The following FBXO45 variants were observed in gnomAD, a reference collection of about 807,000 sequenced individuals.
The protein encoded by FBXO45 is F-box/SPRY domain-containing protein 1.
FBXO45 carries 3 observed loss-of-function variants against 25.5 expected under a neutral mutation model. The ratio of observed to expected loss-of-function variants is 0.12; its 90% CI spans 0.05 to 0.30. The LOEUF (loss-of-function observed/expected upper bound fraction) is 0.30. FBXO45 is among the 10% of genes least tolerant of loss of function. FBXO45 has a pLI of 1.00. For synonymous variants in FBXO45, 155 were observed against 149.8 expected, an observed-to-expected ratio of 1.03 and a Z score of -0.25; for missense variants, 219 against 365.0, an observed-to-expected ratio of 0.60 and a Z score of 3.26.
chr3:196,577,282 T>A (rs1735932016), intron 1 of FBXO45, among the ~76,000 whole-genome samples, 171 bp from the exon 2 acceptor site: 1 of 152,234 alleles, frequency 6.6e-6, no homozygotes, highest in Non-Finnish European at 1.5e-5. Flanking sequence ...TAATGTTATT[T>A]ATTCTGTTAG....
intron 2 of FBXO45, 49 bp downstream of exon 2, chr3:196,577,858 C>T: frequency 8.3e-7 from 1 of 1,203,442 alleles, no homozygotes; most frequent in Non-Finnish European, 1.1e-6. Context: ...CAAATCACGC[C>T]TTAATTTGTT....
At chr3:196,578,058 T>TTTTTTTTTTTTTTTTTTG (rs1560318212) in intron 2 of FBXO45, among the ~76,000 whole-genome samples, 2 of 95,110 alleles carry the variant, frequency 2.1e-5, no homozygotes, top group Non-Finnish European at 4.7e-5. Context: ...TTTTTTTTTT[T>TTTTTTTTTTTTTTTTTTG]TAGACAGAAT....
Position 196,569,971 on chromosome 3 carries a change from GTC to G in FBXO45, c.318+675_318+676del, listed in dbSNP as rs1735765097. On this transcript the variant is annotated intron_variant, in intron 1 of 2. Coordinates refer to ENST00000311630, the MANE Select transcript of FBXO45 (RefSeq NM_001105573.2). This position sits in a 1 kb window ranked among gnomAD's most constrained non-coding sequence, Gnocchi z 4.1. ...TTTTTAATAGTTCCACATTGATGGT[GTC>G]TCTCTTTTTCTATTTGTCATCTAAC... Among the ~76,000 whole-genome samples, 1 of 152,148 alleles carries G rather than the reference GTC, an allele frequency of 6.6e-6. No homozygotes were observed. Among genetic ancestry groups the G allele is most frequent in the Non-Finnish European group, 1.5e-5 (1 of 68,028 alleles).
intron 2 of FBXO45, among the ~76,000 whole-genome samples, chr3:196,581,605 A>C (rs899896900): frequency 2.0e-5 from 3 of 152,168 alleles, no homozygotes; most frequent in African/African-American, 4.8e-5. Flanking sequence ...TTTGTAAAAA[A>C]ATCTTTGGAC....
chr3:196,579,286 CAA>C (rs1342051117), intron 2 of FBXO45, among the ~76,000 whole-genome samples: 2 of 152,192 alleles, frequency 1.3e-5, no homozygotes, highest in African/African-American at 4.8e-5. Flanking sequence ...GTAATGACCT[CAA>C]GTCAGGCATA....
chr3:196,568,836 A>C lies in FBXO45; in HGVS notation c.-149A>C, dbSNP rs930348153. 13 of 377,650 alleles carry C rather than the reference A, an allele frequency of 3.4e-5. No homozygotes were observed. Among genetic ancestry groups the C allele is most frequent in the South Asian group, 1.1e-4 (1 of 9,284 alleles). The allele number at this position is 377,650 out of a possible 1,614,324, so 23.4% of individuals were successfully genotyped here. A position where few individuals can be genotyped will look rare whatever the true frequency, so the allele number is the denominator to read the frequency against. ...GGGCGCGCGGCGGACGCCCCCGGGCAGGGGCGGGAGTGGTGGAGGCGCCGG... is the reference window on the plus strand; with the variant it reads ...GGGCGCGCGGCGGACGCCCCCGGGCCGGGGCGGGAGTGGTGGAGGCGCCGG... On this transcript the variant is annotated 5_prime_UTR_variant, in exon 1 of 3. Transcript: ENST00000311630.
rs548551913 is a variant in FBXO45 at position 196,587,383 on chromosome 3, G to A, written c.*3065G>A. ...TTCATCTCCCTCATTCACATAAAGT[G>A]TAGATATGGATTCAATAAGACACCA... On this transcript the variant is annotated 3_prime_UTR_variant, in exon 3 of 3. Transcript: ENST00000311630. The A allele has an allele frequency of 7.9e-5, 12 of 152,312 alleles. No individual in the cohort carries two copies. The highest frequency in any genetic ancestry group is 2.6e-4 in the African/African-American group (11 of 41,572). The allele number at this position is 152,312 out of a possible 1,614,324, so 9.4% of individuals were successfully genotyped here. A position where few individuals can be genotyped will look rare whatever the true frequency, so the allele number is the denominator to read the frequency against.
At position 196,569,211 on chromosome 3, in the gene FBXO45, G is replaced by A. The variant is rs1375614000; in HGVS notation, c.227G>A (p.Ser76Asn). 34 of 1,576,692 alleles carry A rather than the reference G, an allele frequency of 2.2e-5. No homozygotes were observed. The highest frequency in any genetic ancestry group is 2.7e-5 in the African/African-American group (2 of 73,946). Residue 76 changes from serine to asparagine, a missense_variant, in exon 1 of 3, where the codon AGC becomes AAC. Coordinates refer to ENST00000311630, the MANE Select transcript of FBXO45 (RefSeq NM_001105573.2). The surrounding 1 kb of genome is among the most constrained non-coding windows in gnomAD (Gnocchi z 4.1). ...WYRCLHGDEN[S>N]EVWRSLCARS... ...CGCTGCCTGCACGGCGATGAGAACAGCGAGGTGTGGCGGAGCCTGTGCGCC... is the reference window on the plus strand; with the variant it reads ...CGCTGCCTGCACGGCGATGAGAACAACGAGGTGTGGCGGAGCCTGTGCGCC...
At position 196,578,133 on chromosome 3, in the gene FBXO45, C is replaced by T. The variant is rs528437102; in HGVS notation, c.675+324C>T. 3.3e-5 allele frequency among the ~76,000 whole-genome samples: 5 copies of T among 150,362 alleles called. No individual in the cohort carries two copies. In the East Asian group the frequency reaches 9.9e-4, roughly 30 times the overall value. On this transcript the variant is annotated intron_variant, in intron 2 of 2. Coordinates refer to ENST00000311630, the MANE Select transcript of FBXO45 (RefSeq NM_001105573.2). ...TCGGCTCACTGCAACCTGCACCTCC[C>T]AGGTTCAAGCAATTCTCTGCCTCAG...
At chr3:196,571,262 T>G (rs2108725696) in intron 1 of FBXO45, among the ~76,000 whole-genome samples, 1 of 152,304 alleles carries the variant, frequency 6.6e-6, no homozygotes, top group East Asian at 1.9e-4. Flanking sequence ...AACAAAACTC[T>G]GTCGCCCAGG....
chr3:196,569,263 C>T lies in FBXO45; in HGVS notation c.279C>T (p.Arg93=), dbSNP rs1450749699. 3.2e-5 allele frequency: 51 copies of T among 1,584,114 alleles called. No homozygotes were observed. The highest frequency in any genetic ancestry group is 4.1e-5 in the Non-Finnish European group (48 of 1,165,668). The change falls in exon 1 of 3, where the codon CGC becomes CGT. Residue 93 remains arginine (R), a synonymous_variant. Coordinates refer to ENST00000311630, the MANE Select transcript of FBXO45 (RefSeq NM_001105573.2). This position sits in a 1 kb window ranked among gnomAD's most constrained non-coding sequence, Gnocchi z 4.1. ...GCAGCCTGGCAGAAGAGGCTCTGCGCACGGACATCCTGTGCAACCTGCCCA... is the reference window on the plus strand; with the variant it reads ...GCAGCCTGGCAGAAGAGGCTCTGCGTACGGACATCCTGTGCAACCTGCCCA... ...CARSLAEEAL[R]TDILCNLPSY... is the part of the protein sequence containing the mutation.
Sources: allele counts gnomAD v4.1 joint callset (sites outside exome capture counted in the v4.1 genomes callset), GRCh38; gene constraint gnomAD v4.1.1; non-coding constraint Gnocchi (gnomAD v3.1); transcripts MANE v1.5; gene names NCBI Gene and HGNC (gene_info 2026-07-23, HGNC 2026-07-21).